GORASP2: variants seen among roughly 807,000 people sequenced by gnomAD.
GORASP2 encodes the protein Golgi reassembly-stacking protein 2.
GORASP2 carries 22 observed loss-of-function variants against 45.7 expected under a neutral mutation model. The observed-to-expected ratio is 0.48, with a 90% CI of 0.34 to 0.69. The LOEUF (loss-of-function observed/expected upper bound fraction) is 0.69, where lower values mean the gene tolerates loss of function less well. Ranked by LOEUF, GORASP2 falls within the 30% of genes least tolerant of loss-of-function variation. GORASP2 has a pLI of 0.01. For missense variants in GORASP2, 491 were observed against 562.7 expected (o/e 0.87, Z 1.29); for synonymous variants, 221 against 215.6 (o/e 1.02, Z -0.22).
intron 1 of GORASP2, chr2:170,936,656 G>T: frequency 7.7e-7 from 1 of 1,299,442 alleles, no homozygotes; most frequent in South Asian, 1.2e-5. Context: ...CACATTGTCA[G>T]AAATAAGGAA....
At chr2:170,956,599 G>A in intron 7 of GORASP2, 40 bp downstream of exon 7, 1 of 1,548,422 alleles carries the variant, frequency 6.5e-7, no homozygotes. Flanking sequence ...TCTATTTTAT[G>A]TAATATTATT....
At chr2:170,933,201 G>A (rs1703869268) in intron 1 of GORASP2, among the ~76,000 whole-genome samples, 1 of 152,124 alleles carries the variant, frequency 6.6e-6, no homozygotes, top group South Asian at 2.1e-4. Context: ...TTAAAAAATA[G>A]CATTTCAGAT....
chr2:170,966,253 C>CTGT lies in GORASP2; in HGVS notation c.*123_*124insTGT. The CTGT allele has an allele frequency of 1.4e-6, 1 of 738,890 alleles. No individual in the cohort carries two copies. The highest frequency in any genetic ancestry group is 2.3e-6 in the Non-Finnish European group (1 of 433,374). The allele number at this position is 738,890 out of a possible 1,614,324, so 45.8% of individuals were successfully genotyped here. A position where few individuals can be genotyped will look rare whatever the true frequency, so the allele number is the denominator to read the frequency against. ...TCTGTAGGCATCCTGTAAATAATTC[C>CTGT]AAGGGGAAAACTAAACGAGGACGTG... On this transcript the variant is annotated 3_prime_UTR_variant, in exon 10 of 10. Transcript: ENST00000234160.
At chr2:170,937,035 C>A (rs1703974803) in intron 1 of GORASP2, among the ~76,000 whole-genome samples, 1 of 152,028 alleles carries the variant, frequency 6.6e-6, no homozygotes, top group South Asian at 2.1e-4. Context: ...TGGTGAAACC[C>A]CCTCTCTACA....
In GORASP2 at chr2:170,940,191, A is replaced by T. The variant is rs367839361; in HGVS notation, c.64-8159A>T. Among the ~76,000 whole-genome samples the T allele has an allele frequency of 5.3e-5, 8 of 152,370 alleles. No homozygotes were observed. The South Asian group carries it at 1.4e-3, about 28-fold the overall frequency. On this transcript the variant is annotated intron_variant, in intron 1 of 9. Coordinates refer to ENST00000234160, the MANE Select transcript of GORASP2 (RefSeq NM_015530.5). Reference sequence around the variant, plus strand: ...ATTTACATATCAGCCAGAAACATGGATAAGTGTGTCTTTGTGTATCACCTA... The same window carrying T: ...ATTTACATATCAGCCAGAAACATGGTTAAGTGTGTCTTTGTGTATCACCTA...
intron 1 of GORASP2, among the ~76,000 whole-genome samples, chr2:170,944,985 T>C (rs1033765038): frequency 6.6e-6 from 1 of 152,144 alleles, no homozygotes; most frequent in African/African-American, 2.4e-5. Context: ...GCATTTCACA[T>C]CTAGTTGATC....
At chr2:170,952,524 C>G (rs1325206435) in intron 5 of GORASP2, among the ~76,000 whole-genome samples, 1 of 152,104 alleles carries the variant, frequency 6.6e-6, no homozygotes, top group Non-Finnish European at 1.5e-5. Context: ...TTAAGTTTGC[C>G]CAGGGTCTTG....
intron 1 of GORASP2, among the ~76,000 whole-genome samples, chr2:170,940,248 G>A (rs923434865): frequency 6.6e-6 from 1 of 152,164 alleles, no homozygotes; most frequent in African/African-American, 2.4e-5. Flanking sequence ...TATCCTGTGT[G>A]CTGCAAGTTG....
chr2:170,955,919 C>A (rs143799791), intron 6 of GORASP2, among the ~76,000 whole-genome samples: 2 of 152,074 alleles, frequency 1.3e-5, no homozygotes, highest in African/African-American at 2.4e-5. Flanking sequence ...TTTTTCTTCT[C>A]CTGAAAAGTG....
intron 1 of GORASP2, chr2:170,929,719 C>T (rs147298093): frequency 0.033 from 19,553 of 584,406 alleles, 514 homozygotes; most frequent in South Asian, 0.075. Flanking sequence ...CTTCTCTCTC[C>T]TCCACCCCCC....
chr2:170,948,234 G>A (rs901811492), intron 1 of GORASP2, 116 bp from the exon 2 acceptor site: 28 of 694,514 alleles, frequency 4.0e-5, no homozygotes, highest in South Asian at 9.6e-5. Context: ...GAGAACTAGC[G>A]TGTACTGTAT....
intron 1 of GORASP2, among the ~76,000 whole-genome samples, chr2:170,942,374 A>T (rs1377959866): frequency 2.0e-5 from 3 of 152,124 alleles, no homozygotes; most frequent in African/African-American, 7.2e-5. Flanking sequence ...ATTAGTAGCC[A>T]TTCCCCCATT....
intron 1 of GORASP2, chr2:170,936,651 T>C (rs747361872): frequency 1.5e-6 from 2 of 1,299,908 alleles, no homozygotes. Flanking sequence ...TCAAGCACAT[T>C]GTCAGAAATA....
Position 170,961,507 on chromosome 2 carries a change from G to A in GORASP2, c.824-156G>A, listed in dbSNP as rs187205170. 2.1e-3 allele frequency among the ~76,000 whole-genome samples: 322 copies of A among 152,316 alleles called. 6 individuals carry two copies. Among genetic ancestry groups the A allele is most frequent in the East Asian group, 1.5e-3 (8 of 5,190 alleles). On this transcript the variant is annotated intron_variant, in intron 7 of 9. Coordinates refer to ENST00000234160, the MANE Select transcript of GORASP2 (RefSeq NM_015530.5). The stretch of plus-strand genomic sequence containing the variant: ...TGTGGGCAGAGTCAGTGAATCTGCC[G>A]TAAAGGGTGATGGACAGTCAGTTGC...
At chr2:170,963,809 A>AT (rs1193274291) in intron 9 of GORASP2, among the ~76,000 whole-genome samples, 1 of 151,732 alleles carries the variant, frequency 6.6e-6, no homozygotes. Context: ...CACCTGGCTA[A>AT]TTTTTTTGTA....
intron 1 of GORASP2, among the ~76,000 whole-genome samples, chr2:170,942,363 T>C (rs1021558942): frequency 6.6e-6 from 1 of 152,144 alleles, no homozygotes; most frequent in Non-Finnish European, 1.5e-5. Flanking sequence ...AACCCATATG[T>C]ATTAGTAGCC....
intron 1 of GORASP2, among the ~76,000 whole-genome samples, chr2:170,946,889 G>A (rs776703431): frequency 1.3e-5 from 2 of 152,040 alleles, no homozygotes; most frequent in African/African-American, 2.4e-5. Flanking sequence ...GCAGTAAGCC[G>A]AGATTGTGTC....
At chr2:170,929,725 C>A (rs750695641) in intron 1 of GORASP2, 3 of 574,422 alleles carry the variant, frequency 5.2e-6, no homozygotes, top group African/African-American at 3.8e-5. Context: ...TCTCCTCCAC[C>A]CCCCCTCATT....
At chr2:170,952,901 C>G (rs1704331595) in intron 5 of GORASP2, among the ~76,000 whole-genome samples, 1 of 152,196 alleles carries the variant, frequency 6.6e-6, no homozygotes, top group Non-Finnish European at 1.5e-5. Context: ...GTCTTGAACT[C>G]TTCGCTTCAA....
Sources: allele counts gnomAD v4.1 joint callset (sites outside exome capture counted in the v4.1 genomes callset), GRCh38; gene constraint gnomAD v4.1.1; transcripts MANE v1.5; gene names NCBI Gene and HGNC (gene_info 2026-07-23, HGNC 2026-07-21).